CALN1: variants seen among roughly 807,000 people sequenced by gnomAD.
CALN1 encodes the protein calcium-binding protein 8.
A neutral mutation model predicts 30.6 loss-of-function variants in CALN1; 17 were observed. That is an observed-to-expected ratio of 0.56 (90% CI 0.38 to 0.83). The LOEUF (loss-of-function observed/expected upper bound fraction) is 0.83, where lower values mean the gene tolerates loss of function less well. CALN1 is among the 40% of genes least tolerant of loss of function. The pLI is 0.00. For missense variants in CALN1, 291 were observed against 354.9 expected (o/e 0.82, Z 1.45); for synonymous variants, 156 against 131.4 (o/e 1.19, Z -1.28).
At chr7:72,160,178 C>T (rs1287446413) in intron 3 of CALN1, among the ~76,000 whole-genome samples, 1 of 152,050 alleles carries the variant, frequency 6.6e-6, no homozygotes, top group Non-Finnish European at 1.5e-5. Flanking sequence ...GATTAGATTG[C>T]CATAAAATAT....
At chr7:71,836,537 T>A (rs1425098347) in intron 5 of CALN1, among the ~76,000 whole-genome samples, 3 of 152,030 alleles carry the variant, frequency 2.0e-5, no homozygotes, top group Non-Finnish European at 4.4e-5. Context: ...TATTCCATGC[T>A]CTCTGCACAT....
At chr7:72,306,072 C>T (rs905756378) in intron 2 of CALN1, among the ~76,000 whole-genome samples, 6 of 152,152 alleles carry the variant, frequency 3.9e-5, no homozygotes, top group Non-Finnish European at 7.3e-5. Flanking sequence ...AAACCATAAA[C>T]ACTCATCAGA....
At chr7:72,310,525 A>G (rs1170722436) in intron 2 of CALN1, among the ~76,000 whole-genome samples, 1 of 152,016 alleles carries the variant, frequency 6.6e-6, no homozygotes, top group South Asian at 2.1e-4. Flanking sequence ...CATTTAGATA[A>G]TACCTTGGGT....
At chr7:71,912,935 G>A (rs1794498942) in intron 5 of CALN1, among the ~76,000 whole-genome samples, 1 of 152,206 alleles carries the variant, frequency 6.6e-6, no homozygotes, top group Non-Finnish European at 1.5e-5. Context: ...CTAAGCCAGG[G>A]CTGTGATTGA....
At chr7:71,846,850 A>G (rs551565342) in intron 5 of CALN1, among the ~76,000 whole-genome samples, 45 of 146,028 alleles carry the variant, frequency 3.1e-4, no homozygotes, top group African/African-American at 1.1e-3. Flanking sequence ...TATATATTAT[A>G]TATGTATATA....
intron 3 of CALN1, among the ~76,000 whole-genome samples, chr7:72,152,955 C>T (rs1787370633): frequency 6.6e-6 from 1 of 152,220 alleles, no homozygotes; most frequent in South Asian, 2.1e-4. Flanking sequence ...AAATACAAAG[C>T]TGTTTTGTCA....
intron 3 of CALN1, among the ~76,000 whole-genome samples, chr7:72,164,308 G>A (rs554418966): frequency 4.1e-5 from 6 of 144,696 alleles, no homozygotes; most frequent in Non-Finnish European, 8.9e-5. Flanking sequence ...CCAAGATCAC[G>A]CCATTGCACT....
chr7:72,002,380 CTCATA>C (rs1248625819), intron 5 of CALN1, among the ~76,000 whole-genome samples: 2 of 152,134 alleles, frequency 1.3e-5, no homozygotes, highest in Non-Finnish European at 2.9e-5. Context: ...TGTTGACCAT[CTCATA>C]TAATTTATTA....
At chr7:71,967,105 G>T (rs1008187851) in intron 5 of CALN1, among the ~76,000 whole-genome samples, 8 of 152,072 alleles carry the variant, frequency 5.3e-5, no homozygotes, top group Admixed American at 3.3e-4. Context: ...GTTCAAAATG[G>T]AAACAACTTA....
intron 3 of CALN1, among the ~76,000 whole-genome samples, chr7:72,137,297 T>G (rs987126585): frequency 1.3e-5 from 2 of 152,150 alleles, no homozygotes; most frequent in Non-Finnish European, 2.9e-5. Context: ...TGGGGCTGGA[T>G]TTAGGTGGTT....
rs892378536 is a variant in CALN1 at position 72,135,044 on chromosome 7, T to TA, written c.245-28751_245-28750insT. ...CCATAAGAAGCAACTCCGCATCCAT[T>TA]CAAGTTTGATCATGAGATTGCAGAA... On this transcript the variant is annotated intron_variant, in intron 3 of 6. Transcript: ENST00000395275. Among the ~76,000 whole-genome samples the TA allele has an allele frequency of 6.6e-5, 10 of 152,344 alleles. No homozygotes were observed. In the East Asian group the frequency reaches 1.9e-3, roughly 29 times the overall value.
rs559585242 is a variant in CALN1 at position 72,432,275 on chromosome 7, G to A, written c.-226+14767C>T. Among the ~76,000 whole-genome samples the A allele has an allele frequency of 2.6e-4, 40 of 151,944 alleles. No individual in the cohort carries two copies. The South Asian group carries it at 4.2e-3, about 16-fold the overall frequency. On this transcript the variant is annotated intron_variant, in intron 1 of 6. Coordinates refer to the CALN1 transcript ENST00000395276. ...TAAGACGTGCCTTTTTTCCTCCTTC[G>A]TCTTCTGCCATGGTTGTGAAGCCTC...
chr7:72,069,079 A>T (rs1804217866), intron 4 of CALN1, among the ~76,000 whole-genome samples: 1 of 152,198 alleles, frequency 6.6e-6, no homozygotes, highest in South Asian at 2.1e-4. Context: ...AACAATTTGG[A>T]TGGCCATCCA....
intron 3 of CALN1, among the ~76,000 whole-genome samples, chr7:72,208,710 A>T (rs73357178): frequency 0.013 from 2,004 of 152,308 alleles, 40 homozygotes; most frequent in African/African-American, 0.041. Flanking sequence ...AACTATTTTT[A>T]AAAAAGCCAG....
At chr7:72,483,852 C>T in the CALN1 span, among the ~76,000 whole-genome samples, 1 of 151,864 alleles carries the variant, frequency 6.6e-6, no homozygotes, top group Non-Finnish European at 1.5e-5. Flanking sequence ...ATCTTTTATT[C>T]TGAAATATTT....
intron 2 of CALN1, among the ~76,000 whole-genome samples, chr7:72,387,859 G>C (rs1328760006): frequency 6.6e-6 from 1 of 152,152 alleles, no homozygotes; most frequent in African/African-American, 2.4e-5. Flanking sequence ...GTTGAAAGTA[G>C]AACAGTGGTT....
At chr7:72,393,696 GA>G in intron 2 of CALN1, among the ~76,000 whole-genome samples, 1 of 151,698 alleles carries the variant, frequency 6.6e-6, no homozygotes, top group South Asian at 2.1e-4. Context: ...CCTTTTGAAG[GA>G]ATCAGGTGCC....
chr7:72,291,040 C>A (rs1044708268), intron 2 of CALN1, among the ~76,000 whole-genome samples: 3 of 151,942 alleles, frequency 2.0e-5, no homozygotes, highest in African/African-American at 7.3e-5. Flanking sequence ...TCTCCTGCCT[C>A]AGCATTCCAA....
chr7:72,026,637 A>G (rs1019277954), intron 4 of CALN1, among the ~76,000 whole-genome samples: 4 of 151,908 alleles, frequency 2.6e-5, no homozygotes, highest in Non-Finnish European at 5.9e-5. Flanking sequence ...GCTGGTCTTG[A>G]TCTCCTGGGC....
Sources: allele counts gnomAD v4.1 joint callset (sites outside exome capture counted in the v4.1 genomes callset), GRCh38; gene constraint gnomAD v4.1.1; transcripts MANE v1.5; gene names NCBI Gene and HGNC (gene_info 2026-07-23, HGNC 2026-07-21).